The following SH3BP4 variants were observed in gnomAD, a reference collection of about 807,000 sequenced individuals.
The protein encoded by SH3BP4 is SH3 domain-binding protein 4.
A neutral mutation model predicts 65.5 loss-of-function variants in SH3BP4; 33 were observed. The ratio of observed to expected loss-of-function variants is 0.50; its 90% confidence interval spans 0.38 to 0.67. The LOEUF (loss-of-function observed/expected upper bound fraction) is 0.67, where lower values mean the gene tolerates loss of function less well. Ranked by LOEUF, SH3BP4 falls within the 30% of genes least tolerant of loss-of-function variation. The probability of loss-of-function intolerance (pLI) is 0.00; values close to 1 mark genes in which losing one functional copy is unlikely to be tolerated. For missense variants in SH3BP4, 1,134 were observed against 1,261.4 expected (o/e 0.90, Z 1.53); for synonymous variants, 552 against 545.5 (o/e 1.01, Z -0.17).
chr2:235,038,804 C>T lies in SH3BP4; in HGVS notation c.119-2084C>T, dbSNP rs181986982. ...AGGCAGGGAGTCCTGCCTGCACCTG[C>T]GGTTTCTCAAATTCCTCCAGCTTAA... On this transcript the variant is annotated intron_variant, in intron 3 of 5. Coordinates refer to ENST00000392011, the MANE Select transcript of SH3BP4 (RefSeq NM_014521.3). Among the ~76,000 whole-genome samples, 281 of 152,074 alleles carry T rather than the reference C, an allele frequency of 1.8e-3. 1 individual carries two copies. The highest frequency in any genetic ancestry group is 4.8e-3 in the South Asian group (23 of 4,804).
At chr2:235,051,608 A>G (rs551497971) in intron 4 of SH3BP4, among the ~76,000 whole-genome samples, 1 of 151,806 alleles carries the variant, frequency 6.6e-6, no homozygotes, top group South Asian at 2.1e-4. Flanking sequence ...AATTGTGGAA[A>G]CCGTTTTCTC....
chr2:235,025,558 C>T (rs1213905378), intron 2 of SH3BP4, among the ~76,000 whole-genome samples: 1 of 152,210 alleles, frequency 6.6e-6, no homozygotes, highest in African/African-American at 2.4e-5. Context: ...CGGAGGCCCC[C>T]GCAGTCTGTG....
At chr2:235,007,268 C>A (rs1694324849) in intron 2 of SH3BP4, among the ~76,000 whole-genome samples, 1 of 151,994 alleles carries the variant, frequency 6.6e-6, no homozygotes, top group African/African-American at 2.4e-5. Flanking sequence ...CAGGTGGGGT[C>A]CAGAGCAGCT....
rs1469759012 is a variant in SH3BP4, at chr2:235,038,393, A to G, written c.119-2495A>G. On this transcript the variant is annotated intron_variant, in intron 3 of 5. Coordinates refer to ENST00000392011, the MANE Select transcript of SH3BP4 (RefSeq NM_014521.3). ...TATATATACATATATATATATATATATATATATATATATATATATATATGA... is the reference window on the plus strand; with the variant it reads ...TATATATACATATATATATATATATGTATATATATATATATATATATATGA... Among the ~76,000 whole-genome samples, 3 of 20,602 alleles carry G rather than the reference A, an allele frequency of 1.5e-4. 1 individual carries two copies. Among genetic ancestry groups the G allele is most frequent in the African/African-American group, 1.8e-4 (1 of 5,592 alleles). The allele number at this position is 20,602 out of a possible 152,430, so 13.5% of individuals were successfully genotyped here.
chr2:235,047,451 A>G (rs1023471044), intron 4 of SH3BP4, among the ~76,000 whole-genome samples: 2 of 152,178 alleles, frequency 1.3e-5, no homozygotes, highest in Non-Finnish European at 2.9e-5. Context: ...CCCGTCAGGC[A>G]AAGAGGAGGG....
At chr2:235,047,995 A>G (rs1559985) in intron 4 of SH3BP4, among the ~76,000 whole-genome samples, 55,608 of 152,022 alleles carry the variant, frequency 0.37, 10,415 homozygotes, top group East Asian at 0.56. Context: ...TAAGGAAGCT[A>G]GCAAGTGCAT....
chr2:234,969,600 C>T (rs57603790), intron 1 of SH3BP4, among the ~76,000 whole-genome samples: 11,080 of 152,286 alleles, frequency 0.073, 969 homozygotes, highest in East Asian at 0.47. Context: ...TGCAGACTTC[C>T]AAGGGCTTCG....
intron 1 of SH3BP4, among the ~76,000 whole-genome samples, chr2:234,962,279 G>A (rs1692731948): frequency 6.6e-6 from 1 of 151,950 alleles, no homozygotes; most frequent in Non-Finnish European, 1.5e-5. Context: ...TGGGATTAGA[G>A]GTGCATGCCA....
chr2:234,969,334 A>G (rs1328306178), intron 1 of SH3BP4, among the ~76,000 whole-genome samples: 1 of 152,066 alleles, frequency 6.6e-6, no homozygotes, highest in Non-Finnish European at 1.5e-5. Flanking sequence ...CTCCTTCCTC[A>G]TGGTCAAGTC....
chr2:234,978,856 G>T lies in SH3BP4; in HGVS notation c.-206-16447G>T, dbSNP rs1254531943. 1 of 152,230 alleles carries T rather than the reference G, an allele frequency of 6.6e-6. No homozygotes were observed. Among genetic ancestry groups the T allele is most frequent in the South Asian group, 2.1e-4 (1 of 4,828 alleles). 9.4% of individuals were successfully genotyped at this position (152,230 alleles called of 1,614,324 possible). ...TGAGATCCGAGAGTCATGCCGCTGC[G>T]TGGAGGAACATGCTGAACCTCTGGA... On this transcript the variant is annotated intron_variant, in intron 1 of 5. Coordinates refer to ENST00000392011, the MANE Select transcript of SH3BP4 (RefSeq NM_014521.3). This position sits in a 1 kb window ranked among gnomAD's most constrained non-coding sequence, Gnocchi z 4.1.
In SH3BP4 at chr2:234,987,267, C is replaced by T. The variant is rs73124266; in HGVS notation, c.-206-8036C>T. On this transcript the variant is annotated intron_variant, in intron 1 of 5. Transcript: ENST00000392011. ...CTACTGCCTTAGTCACAGAATTTCA[C>T]GGGTGTTGTATGCAATTTCTACTAT... Among the ~76,000 whole-genome samples the T allele has an allele frequency of 9.1e-3, 1,379 of 150,736 alleles. 16 individuals are homozygous for T. Among genetic ancestry groups the T allele is most frequent in the African/African-American group, 0.029 (1,171 of 41,044 alleles).
chr2:235,004,397 T>C (rs1694228211), intron 2 of SH3BP4, among the ~76,000 whole-genome samples: 1 of 152,212 alleles, frequency 6.6e-6, no homozygotes, highest in African/African-American at 2.4e-5. Flanking sequence ...ACATAACATA[T>C]AATTTACCAT....
intron 4 of SH3BP4, among the ~76,000 whole-genome samples, chr2:235,048,243 T>G (rs1327974669): frequency 6.6e-6 from 1 of 152,144 alleles, no homozygotes; most frequent in African/African-American, 2.4e-5. Flanking sequence ...CCCCTCGAGT[T>G]TTGGGGCATG....
At chr2:234,972,104 C>T (rs1158755865) in intron 1 of SH3BP4, among the ~76,000 whole-genome samples, 3 of 150,542 alleles carry the variant, frequency 2.0e-5, no homozygotes, top group Non-Finnish European at 2.9e-5. Context: ...TGTGAGCCAC[C>T]GTGCCCGGCC....
At chr2:234,957,429 A>G (rs887273212) in intron 1 of SH3BP4, among the ~76,000 whole-genome samples, 1 of 151,824 alleles carries the variant, frequency 6.6e-6, no homozygotes, top group African/African-American at 2.4e-5. Flanking sequence ...GCCCACCCAC[A>G]CGACACCCCT....
chr2:234,954,946 G>A (rs1032190581), intron 1 of SH3BP4, among the ~76,000 whole-genome samples: 4 of 152,154 alleles, frequency 2.6e-5, no homozygotes, highest in Non-Finnish European at 4.4e-5. Flanking sequence ...TTCCAGCCTC[G>A]TTTCAGGTAC....
intron 3 of SH3BP4, 126 bp from the exon 4 acceptor site, chr2:235,040,762 C>A: frequency 2.5e-6 from 2 of 787,862 alleles, no homozygotes; most frequent in Non-Finnish European, 4.1e-6. Flanking sequence ...TGGTTTGTTT[C>A]TGTTGGTGAC....
In SH3BP4 at chr2:235,042,080, G is replaced by A. The variant is rs772684785; in HGVS notation, c.1311G>A (p.Thr437=). The A allele has an allele frequency of 5.0e-6, 8 of 1,613,816 alleles. No homozygotes were observed. The highest frequency in any genetic ancestry group is 1.3e-5 in the African/African-American group (1 of 74,910). Reference sequence around the variant, plus strand: ...CGCTCAACTGCAGCTGTGGGGACACGGTCCAGGCACAGCTGCACAACCTGG... The same window carrying A: ...CGCTCAACTGCAGCTGTGGGGACACAGTCCAGGCACAGCTGCACAACCTGG... ...SVPLNCSCGD[T]VQAQLHNLEP... The change falls in exon 4 of 6, where the codon ACG becomes ACA. Residue 437 remains threonine, a synonymous_variant. Transcript: ENST00000392011. The surrounding 1 kb of genome is among the most constrained non-coding windows in gnomAD (Gnocchi z 7.3).
At chr2:235,011,691 G>A (rs1413183428) in intron 2 of SH3BP4, among the ~76,000 whole-genome samples, 1 of 152,228 alleles carries the variant, frequency 6.6e-6, no homozygotes, top group Admixed American at 6.5e-5. Flanking sequence ...TTTAGTGAAT[G>A]TCCTTCCTCT....
Sources: allele counts gnomAD v4.1 joint callset (sites outside exome capture counted in the v4.1 genomes callset), GRCh38; gene constraint gnomAD v4.1.1; non-coding constraint Gnocchi (gnomAD v3.1); transcripts MANE v1.5; gene names NCBI Gene and HGNC (gene_info 2026-07-23, HGNC 2026-07-21).